Variants in SNTG2 observed in about 807,000 individuals in gnomAD.
SNTG2 encodes gamma-2-syntrophin.
SNTG2 carries 74 observed loss-of-function variants against 70.9 expected under a neutral mutation model. The ratio of observed to expected loss-of-function variants is 1.04; its 90% CI spans 0.86 to 1.27. SNTG2 has a LOEUF of 1.27. Ranked by LOEUF, SNTG2 falls within the 50% of genes most tolerant of loss-of-function variation. SNTG2 has a pLI of 0.00. For missense variants in SNTG2, 717 were observed against 690.7 expected (o/e 1.04, Z -0.43); for synonymous variants, 278 against 273.8 (o/e 1.02, Z -0.15).
intron 1 of SNTG2, among the ~76,000 whole-genome samples, chr2:1,040,967 GAATCA>G (rs1661402291): frequency 6.6e-6 from 1 of 152,210 alleles, no homozygotes; most frequent in Non-Finnish European, 1.5e-5. Flanking sequence ...TCAGTCAAGT[GAATCA>G]GACGGCTTTT....
At chr2:1,095,155 G>A (rs1339672620) in intron 2 of SNTG2, among the ~76,000 whole-genome samples, 1 of 152,306 alleles carries the variant, frequency 6.6e-6, no homozygotes, top group East Asian at 1.9e-4. Context: ...CTATCAGATA[G>A]GGCCCACCTG....
chr2:1,206,435 A>G (rs1415894204), intron 8 of SNTG2, among the ~76,000 whole-genome samples: 1 of 152,138 alleles, frequency 6.6e-6, no homozygotes, highest in Non-Finnish European at 1.5e-5. Context: ...GCTGGAGAGG[A>G]AGGAGCTGCA....
At chr2:1,101,902 G>A (rs1665805186) in intron 4 of SNTG2, among the ~76,000 whole-genome samples, 1 of 152,202 alleles carries the variant, frequency 6.6e-6, no homozygotes, top group Non-Finnish European at 1.5e-5. Context: ...GGTAGCCCGA[G>A]GCTTCACCTC....
chr2:975,657 C>T (rs2147961280), intron 1 of SNTG2, among the ~76,000 whole-genome samples: 1 of 152,216 alleles, frequency 6.6e-6, no homozygotes, highest in East Asian at 1.9e-4. Context: ...CAAAAAATAC[C>T]TACTGTGTTT....
At chr2:1,062,466 G>A (rs1029104537) in intron 1 of SNTG2, among the ~76,000 whole-genome samples, 1 of 152,114 alleles carries the variant, frequency 6.6e-6, no homozygotes, top group Non-Finnish European at 1.5e-5. Context: ...TCAAATAACT[G>A]ACTAAATAAA....
intron 4 of SNTG2, among the ~76,000 whole-genome samples, chr2:1,099,525 C>G (rs1284543522): frequency 7.6e-6 from 1 of 132,024 alleles, no homozygotes; most frequent in Non-Finnish European, 1.6e-5. Flanking sequence ...AGGTAGAGTG[C>G]CCTGAAGAGG....
intron 6 of SNTG2, among the ~76,000 whole-genome samples, chr2:1,152,504 G>A (rs1331729986): frequency 6.6e-6 from 1 of 152,160 alleles, no homozygotes; most frequent in African/African-American, 2.4e-5. Flanking sequence ...CGTATATTCG[G>A]TGTGTGTGTA....
chr2:1,182,333 A>G (rs1406622917), intron 8 of SNTG2, among the ~76,000 whole-genome samples: 43 of 144,152 alleles, frequency 3.0e-4, no homozygotes, highest in South Asian at 6.6e-4. Context: ...CTGATAGTAA[A>G]TCCCTGCTTT....
intron 14 of SNTG2, among the ~76,000 whole-genome samples, chr2:1,294,986 C>T (rs772994288): frequency 4.6e-5 from 7 of 152,176 alleles, no homozygotes; most frequent in African/African-American, 7.2e-5. Flanking sequence ...TGGGATGAGG[C>T]GTTTGACGCA....
At chr2:1,198,042 G>C (rs1263892284) in intron 8 of SNTG2, among the ~76,000 whole-genome samples, 1 of 151,896 alleles carries the variant, frequency 6.6e-6, no homozygotes, top group African/African-American at 2.4e-5. Context: ...AATTGCTGCA[G>C]AATACACATT....
chr2:1,049,311 A>G (rs971173809), intron 1 of SNTG2, among the ~76,000 whole-genome samples: 1 of 152,138 alleles, frequency 6.6e-6, no homozygotes, highest in Non-Finnish European at 1.5e-5. Flanking sequence ...TCTGTGCTCC[A>G]CCTGCCCATT....
chr2:988,520 G>A (rs1024555137), intron 1 of SNTG2, among the ~76,000 whole-genome samples: 17 of 152,138 alleles, frequency 1.1e-4, no homozygotes, highest in Non-Finnish European at 2.4e-4. Flanking sequence ...GGTCAATAGG[G>A]TGTTATCCTG....
At chr2:1,065,937 A>G (rs1019839814) in intron 1 of SNTG2, among the ~76,000 whole-genome samples, 1 of 152,222 alleles carries the variant, frequency 6.6e-6, no homozygotes, top group Non-Finnish European at 1.5e-5. Context: ...TACAAAAATA[A>G]TCACACAAGA....
At chr2:1,072,632 A>G (rs1046589213) in intron 1 of SNTG2, among the ~76,000 whole-genome samples, 2 of 152,172 alleles carry the variant, frequency 1.3e-5, no homozygotes, top group African/African-American at 4.8e-5. Context: ...CATGCCTGTT[A>G]ATATAACATC....
intron 16 of SNTG2, among the ~76,000 whole-genome samples, chr2:1,333,205 G>C (rs1659621342): frequency 6.6e-6 from 1 of 152,126 alleles, no homozygotes; most frequent in Admixed American, 6.6e-5. Context: ...TTTTACAACA[G>C]CTGCAAAAAG....
At chr2:1,207,426 T>A (rs1022972693) in intron 8 of SNTG2, among the ~76,000 whole-genome samples, 1 of 152,222 alleles carries the variant, frequency 6.6e-6, no homozygotes, top group African/African-American at 2.4e-5. Context: ...GAGTTTTTTT[T>A]TCTGCCTTCA....
chr2:965,194 G>A (rs1026767395), intron 1 of SNTG2, among the ~76,000 whole-genome samples: 14 of 62,578 alleles, frequency 2.2e-4, no homozygotes, highest in Admixed American at 8.2e-4. Context: ...CTGGTCCCCA[G>A]TCCTCCTCCT....
At chr2:1,164,021 C>T (rs1670524931) in intron 6 of SNTG2, among the ~76,000 whole-genome samples, 1 of 152,194 alleles carries the variant, frequency 6.6e-6, no homozygotes, top group African/African-American at 2.4e-5. Context: ...TCCAGGTAGG[C>T]AATGACGGGC....
At chr2:1,082,159 C>T (rs966913865) in intron 1 of SNTG2, among the ~76,000 whole-genome samples, 1 of 152,160 alleles carries the variant, frequency 6.6e-6, no homozygotes, top group Non-Finnish European at 1.5e-5. Context: ...AGGAGGCCTC[C>T]ACTGTGGAAA....
Sources: gnomAD v4.1 joint callset for allele counts (sites outside exome capture counted in the v4.1 genomes callset) on GRCh38, gnomAD v4.1.1 for gene constraint, MANE v1.5 for transcripts, NCBI Gene and HGNC (gene_info 2026-07-23, HGNC 2026-07-21) for gene names.